Variants in PTPRT observed in about 807,000 individuals in gnomAD.
PTPRT encodes the protein protein tyrosine phosphatase receptor type T.
In PTPRT, 56 loss-of-function variants were observed where a neutral mutation model predicts 176.8. The ratio of observed to expected loss-of-function variants is 0.32; its 90% CI spans 0.26 to 0.40. The LOEUF is 0.40. Ranked by LOEUF, PTPRT falls within the 10% of genes least tolerant of loss-of-function variation. The pLI is 1.00. For synonymous variants in PTPRT, 783 were observed against 739.0 expected (o/e 1.06, Z -0.96); for missense variants, 1,540 against 1,908.2 (o/e 0.81, Z 3.60).
rs151266117 is a variant in PTPRT at position 42,785,041 on chromosome 20, G to T, written c.487-4742C>A. Among the ~76,000 whole-genome samples the T allele has an allele frequency of 2.6e-5, 4 of 152,284 alleles. No individual in the cohort carries two copies. The East Asian group carries it at 7.7e-4, about 29-fold the overall frequency. On this transcript the variant is annotated intron_variant, in intron 3 of 30. Coordinates refer to ENST00000373187, the MANE Select transcript of PTPRT (RefSeq NM_007050.6). ...ACTATACAAAAAAAGTTAAGTTGGT[G>T]AGGTGATGGATATGTTCATTAGTTT...
chr20:42,384,694 C>T (rs6072712), intron 9 of PTPRT, among the ~76,000 whole-genome samples: 47,588 of 151,960 alleles, frequency 0.31, 7,949 homozygotes, highest in Admixed American at 0.39. Context: ...ACTATTTTTT[C>T]ATAGCTCCAT....
chr20:42,583,795 A>G (rs763935459), intron 7 of PTPRT, among the ~76,000 whole-genome samples: 2 of 152,146 alleles, frequency 1.3e-5, no homozygotes, highest in Non-Finnish European at 2.9e-5. Flanking sequence ...TCAGTTGGAT[A>G]TTTTGGTTAT....
intron 16 of PTPRT, among the ~76,000 whole-genome samples, chr20:42,175,220 A>T (rs558692533): frequency 2.0e-5 from 3 of 152,270 alleles, no homozygotes; most frequent in African/African-American, 7.2e-5. Flanking sequence ...CAGATTTAAG[A>T]TATTTAATAT....
At position 43,179,702 on chromosome 20, in the gene PTPRT, G is replaced by C. The variant is rs1272005200; in HGVS notation, c.88+9944C>G. On this transcript the variant is annotated intron_variant, in intron 1 of 30. Transcript: ENST00000373187. ...ATCTCTCTATTCTAAGGCCTTTAAA[G>C]AGTGAAAGCCTGACACTGAACTGGC... Among the ~76,000 whole-genome samples the C allele has an allele frequency of 2.0e-5, 3 of 152,218 alleles. No homozygotes were observed. The East Asian group carries it at 5.8e-4, about 29-fold the overall frequency.
chr20:42,082,038 T>C (rs768835845), intron 29 of PTPRT, 21 bp from the exon 30 acceptor site: 1 of 1,613,918 alleles, frequency 6.2e-7, no homozygotes, highest in Non-Finnish European at 8.5e-7. Context: ...AGCAAAGAGG[T>C]GAGCCATGTT....
the PTPRT span, among the ~76,000 whole-genome samples, chr20:42,062,573 C>G: frequency 6.6e-6 from 1 of 152,302 alleles, no homozygotes; most frequent in South Asian, 2.1e-4. Flanking sequence ...CACATTTAAT[C>G]CCCCTCCTGT....
intron 11 of PTPRT, among the ~76,000 whole-genome samples, chr20:42,335,320 G>A (rs749433862): frequency 2.4e-4 from 36 of 152,154 alleles, no homozygotes; most frequent in Middle Eastern, 3.4e-3. Flanking sequence ...GAATGCCTCC[G>A]CCTCCAAAAG....
chr20:42,799,623 T>C (rs1168328628), intron 2 of PTPRT, among the ~76,000 whole-genome samples: 1 of 152,206 alleles, frequency 6.6e-6, no homozygotes, highest in Non-Finnish European at 1.5e-5. Flanking sequence ...CATAAGGTCT[T>C]GACCGATTTG....
At chr20:43,085,506 G>A (rs746941461) in intron 1 of PTPRT, among the ~76,000 whole-genome samples, 1 of 152,104 alleles carries the variant, frequency 6.6e-6, no homozygotes, top group Non-Finnish European at 1.5e-5. Flanking sequence ...AGACATACCC[G>A]AGACTGGGAA....
downstream of PTPRT, among the ~76,000 whole-genome samples, chr20:42,070,485 T>A (rs531591879): frequency 2.6e-5 from 4 of 152,094 alleles, no homozygotes; most frequent in South Asian, 8.4e-4. Context: ...TCTGCTAACG[T>A]TGATCCTTAG....
At chr20:42,821,464 G>A (rs1045733791) in intron 2 of PTPRT, among the ~76,000 whole-genome samples, 1 of 152,084 alleles carries the variant, frequency 6.6e-6, no homozygotes, top group Admixed American at 6.5e-5. Context: ...CTTATTGAAC[G>A]GGCAAAAGCT....
intron 17 of PTPRT, among the ~76,000 whole-genome samples, chr20:42,159,773 C>A (rs1483812047): frequency 6.6e-6 from 1 of 152,102 alleles, no homozygotes; most frequent in Non-Finnish European, 1.5e-5. Context: ...GTCAAACATG[C>A]CCCTTGTCAC....
chr20:43,086,291 C>T (rs937204789), intron 1 of PTPRT, among the ~76,000 whole-genome samples: 27 of 152,150 alleles, frequency 1.8e-4, no homozygotes, highest in African/African-American at 6.3e-4. Flanking sequence ...TCATCCAAAA[C>T]GAGAAAAAAC....
At chr20:42,338,974 G>A (rs1406597140) in intron 11 of PTPRT, among the ~76,000 whole-genome samples, 3 of 152,086 alleles carry the variant, frequency 2.0e-5, no homozygotes, top group Non-Finnish European at 4.4e-5. Context: ...AAACTGGCCC[G>A]GGGGGACAAT....
chr20:42,123,034 T>C (rs541727040), intron 19 of PTPRT, among the ~76,000 whole-genome samples: 1 of 152,292 alleles, frequency 6.6e-6, no homozygotes, highest in South Asian at 2.1e-4. Context: ...GCAGTAAATT[T>C]TTTTGTACCT....
intron 7 of PTPRT, among the ~76,000 whole-genome samples, chr20:42,510,582 AG>A (rs765298265): frequency 5.3e-5 from 8 of 152,060 alleles, no homozygotes; most frequent in Non-Finnish European, 8.8e-5. Flanking sequence ...TTATTTTTCC[AG>A]CCCTAAAGGA....
chr20:42,852,576 G>A (rs1321067848), intron 2 of PTPRT, among the ~76,000 whole-genome samples: 1 of 151,950 alleles, frequency 6.6e-6, no homozygotes, highest in East Asian at 1.9e-4. Context: ...TGTTCAGAGG[G>A]CTATGTCCTT....
intron 6 of PTPRT, among the ~76,000 whole-genome samples, chr20:42,721,487 A>T (rs974899036): frequency 6.6e-6 from 1 of 152,230 alleles, no homozygotes; most frequent in Admixed American, 6.5e-5. Context: ...CCAATCAGAC[A>T]AGGGCTGGGG....
At chr20:43,126,320 T>C (rs955006621) in intron 1 of PTPRT, among the ~76,000 whole-genome samples, 2 of 148,560 alleles carry the variant, frequency 1.3e-5, no homozygotes. Context: ...CATTGCACTC[T>C]AGCCTGGGCA....
Sources: gnomAD v4.1 joint callset for allele counts (sites outside exome capture counted in the v4.1 genomes callset) on GRCh38, gnomAD v4.1.1 for gene constraint, MANE v1.5 for transcripts, NCBI Gene and HGNC (gene_info 2026-07-23, HGNC 2026-07-21) for gene names.